GFRA1: variants seen among roughly 807,000 people sequenced by gnomAD.
The protein encoded by GFRA1 is GDNF family receptor alpha-1.
In GFRA1, 16 loss-of-function variants were observed where a neutral mutation model predicts 51.6. That is an observed-to-expected ratio of 0.31 (90% confidence interval 0.21 to 0.47). The LOEUF is 0.47. GFRA1 is among the 20% of genes least tolerant of loss of function. The pLI, the probability that GFRA1 is intolerant of heterozygous loss-of-function variation, is 1.00. For synonymous variants in GFRA1, 270 were observed against 241.3 expected (o/e 1.12, Z -1.10); for missense variants, 530 against 594.3 (o/e 0.89, Z 1.13).
intron 6 of GFRA1, among the ~76,000 whole-genome samples, chr10:116,105,509 G>A (rs1030804082): frequency 6.6e-6 from 1 of 152,128 alleles, no homozygotes; most frequent in African/African-American, 2.4e-5. Flanking sequence ...GGCAGCAAAG[G>A]TCATCCACCA....
chr10:116,158,677 A>C (rs1423767222), intron 5 of GFRA1, among the ~76,000 whole-genome samples: 1 of 152,208 alleles, frequency 6.6e-6, no homozygotes, highest in Admixed American at 6.5e-5. Context: ...GCTCAGCAGG[A>C]TGCTGGAGGC....
At chr10:116,168,860 T>G (rs1589840610) in intron 5 of GFRA1, among the ~76,000 whole-genome samples, 2 of 152,358 alleles carry the variant, frequency 1.3e-5, no homozygotes, top group African/African-American at 4.8e-5. Context: ...CAGATTTTCT[T>G]TCAAATATAA....
intron 9 of GFRA1, among the ~76,000 whole-genome samples, chr10:116,087,837 G>A (rs1412935477): frequency 6.6e-6 from 1 of 152,156 alleles, no homozygotes; most frequent in Non-Finnish European, 1.5e-5. Flanking sequence ...CTCGCTGGAG[G>A]ACTCTGAACA....
At chr10:116,075,838 G>A (rs1286227155) in intron 9 of GFRA1, among the ~76,000 whole-genome samples, 1 of 151,972 alleles carries the variant, frequency 6.6e-6, no homozygotes, top group Non-Finnish European at 1.5e-5. Flanking sequence ...TCCGCCTCCC[G>A]GGTTCACGCC....
At chr10:116,239,892 A>C (rs1005376138) in intron 4 of GFRA1, among the ~76,000 whole-genome samples, 5 of 152,160 alleles carry the variant, frequency 3.3e-5, no homozygotes, top group African/African-American at 1.2e-4. Flanking sequence ...AATTTTGAAC[A>C]TGTTCACAAT....
intron 5 of GFRA1, among the ~76,000 whole-genome samples, chr10:116,204,399 G>A (rs934476317): frequency 1.2e-4 from 18 of 152,164 alleles, no homozygotes; most frequent in African/African-American, 4.3e-4. Context: ...CAGCTAGGAG[G>A]GCCTAAAAGA....
At chr10:116,112,424 T>C (rs940091975) in intron 6 of GFRA1, among the ~76,000 whole-genome samples, 2 of 152,154 alleles carry the variant, frequency 1.3e-5, no homozygotes, top group Admixed American at 1.3e-4. Flanking sequence ...GGCAAATGAT[T>C]ACATATCAGA....
chr10:116,133,556 T>C (rs1321392784), intron 5 of GFRA1, among the ~76,000 whole-genome samples: 2 of 152,214 alleles, frequency 1.3e-5, no homozygotes, highest in African/African-American at 4.8e-5. Flanking sequence ...GTTTCCCTAT[T>C]TGTGAGATGA....
rs914280378 is a variant in GFRA1 at position 116,062,708 on chromosome 10, C to T, written c.*1690G>A. On this transcript the variant is annotated 3_prime_UTR_variant, in exon 11 of 11. Coordinates refer to ENST00000355422, the MANE Select transcript of GFRA1 (RefSeq NM_005264.8). ...TGAAGGTGGAATCTCCTCCTCTTTACTTAATGTTGGAGAAAAGTGGCCACC... is the reference window on the plus strand; with the variant it reads ...TGAAGGTGGAATCTCCTCCTCTTTATTTAATGTTGGAGAAAAGTGGCCACC... 1.3e-5 allele frequency: 2 copies of T among 152,194 alleles called. No individual in the cohort carries two copies. Among genetic ancestry groups the T allele is most frequent in the South Asian group, 4.1e-4 (2 of 4,832 alleles). The allele number at this position is 152,194 out of a possible 1,614,324, so 9.4% of individuals were successfully genotyped here.
intron 4 of GFRA1, among the ~76,000 whole-genome samples, chr10:116,261,204 A>G (rs890670212): frequency 2.0e-5 from 3 of 152,228 alleles, no homozygotes; most frequent in African/African-American, 7.2e-5. Flanking sequence ...ATGCCAAGAT[A>G]TGGAGGGTTT....
intron 5 of GFRA1, among the ~76,000 whole-genome samples, chr10:116,129,527 C>A (rs925227878): frequency 1.3e-5 from 2 of 152,160 alleles, no homozygotes; most frequent in African/African-American, 4.8e-5. Context: ...TCTCCTCAAT[C>A]TGATACAGAG....
intron 6 of GFRA1, among the ~76,000 whole-genome samples, chr10:116,110,564 C>T (rs1957168696): frequency 1.3e-5 from 2 of 152,168 alleles, no homozygotes; most frequent in African/African-American, 4.8e-5. Flanking sequence ...TGGGGAGCCA[C>T]CTAGAGAGAG....
chr10:116,250,308 G>A (rs1033585309), intron 4 of GFRA1, among the ~76,000 whole-genome samples: 1 of 152,136 alleles, frequency 6.6e-6, no homozygotes, highest in Non-Finnish European at 1.5e-5. Context: ...GTCAACTAAG[G>A]AGAGAGGACC....
At position 116,271,367 on chromosome 10, in the gene GFRA1, G is replaced by A. The variant is rs1052819940; in HGVS notation, c.41-252C>T. Among the ~76,000 whole-genome samples the A allele has an allele frequency of 2.0e-5, 3 of 152,168 alleles. No individual in the cohort carries two copies. The East Asian group carries it at 5.9e-4, about 30-fold the overall frequency. On this transcript the variant is annotated intron_variant, in intron 2 of 10. Coordinates refer to ENST00000355422, the MANE Select transcript of GFRA1 (RefSeq NM_005264.8). ...CTCAGCCCGCGGGCTTCAAGGGTTT[G>A]CTCCAGAGCCTGCGCTGCCCACCGC...
intron 5 of GFRA1, among the ~76,000 whole-genome samples, chr10:116,148,970 C>T (rs1312064896): frequency 6.6e-6 from 1 of 152,170 alleles, no homozygotes; most frequent in Non-Finnish European, 1.5e-5. Context: ...CAAGAGCACA[C>T]TGGGTCTAAG....
intron 4 of GFRA1, among the ~76,000 whole-genome samples, chr10:116,219,743 C>T (rs1395649727): frequency 6.6e-6 from 1 of 152,188 alleles, no homozygotes; most frequent in Non-Finnish European, 1.5e-5. Context: ...ATGCAAAGGG[C>T]TGAAGAGATG....
At chr10:116,101,815 A>G (rs1956827352) in intron 6 of GFRA1, among the ~76,000 whole-genome samples, 1 of 152,144 alleles carries the variant, frequency 6.6e-6, no homozygotes, top group South Asian at 2.1e-4. Flanking sequence ...AAGATGTTGA[A>G]TGGGATCCAG....
At chr10:116,137,195 C>T (rs1188931825) in intron 5 of GFRA1, among the ~76,000 whole-genome samples, 1 of 152,082 alleles carries the variant, frequency 6.6e-6, no homozygotes, top group African/African-American at 2.4e-5. Flanking sequence ...AAACATTGTT[C>T]TGGCCTCGGT....
chr10:116,125,899 A>C (rs1326471543), intron 5 of GFRA1, among the ~76,000 whole-genome samples: 1 of 152,244 alleles, frequency 6.6e-6, no homozygotes, highest in Non-Finnish European at 1.5e-5. Context: ...ATTAGGATAA[A>C]AGAAAAAAAC....
Sources: allele counts gnomAD v4.1 joint callset (sites outside exome capture counted in the v4.1 genomes callset), GRCh38; gene constraint gnomAD v4.1.1; transcripts MANE v1.5; gene names NCBI Gene and HGNC (gene_info 2026-07-23, HGNC 2026-07-21).